Variants in ABCB7 observed in about 807,000 individuals in gnomAD.
ABCB7 encodes ATP binding cassette subfamily B member 7, also known as iron-sulfur clusters transporter ABCB7, mitochondrial.
In ABCB7, 7 loss-of-function variants were observed where a neutral mutation model predicts 54.4. That is an observed-to-expected ratio of 0.13 (90% CI 0.07 to 0.24). The LOEUF is 0.24. ABCB7 is among the 10% of genes least tolerant of loss of function. The probability of loss-of-function intolerance (pLI) is 1.00; values close to 1 mark genes in which losing one functional copy is unlikely to be tolerated. For missense variants in ABCB7, 356 were observed against 570.4 expected (o/e 0.62, Z 3.83); for synonymous variants, 218 against 207.1 (o/e 1.05, Z -0.45).
chrX:75,079,078 T>C (rs759665903), intron 4 of ABCB7, among the ~76,000 whole-genome samples: 3 of 111,726 alleles, frequency 2.7e-5, no homozygotes, highest in Non-Finnish European at 5.6e-5. Flanking sequence ...ACCAATAAAG[T>C]TGTGCAATTT....
chrX:75,059,309 C>T (rs2081264135), intron 15 of ABCB7, among the ~76,000 whole-genome samples: 2 of 109,604 alleles, frequency 1.8e-5, no homozygotes, highest in Admixed American at 9.7e-5. Flanking sequence ...GAAACCCTAT[C>T]TCTACAAAAA....
At chrX:75,073,226 T>C (rs1457143634) in intron 8 of ABCB7, among the ~76,000 whole-genome samples, 1 of 112,111 alleles carries the variant, frequency 8.9e-6, no homozygotes, top group Non-Finnish European at 1.9e-5. Flanking sequence ...AAAATACATA[T>C]ACTAGTTAAC....
intron 4 of ABCB7, among the ~76,000 whole-genome samples, chrX:75,092,435 G>C (rs2081551339): frequency 9.0e-6 from 1 of 111,211 alleles, no homozygotes; most frequent in African/African-American, 3.3e-5. Context: ...ACTCTAAATA[G>C]ATCATAGACC....
At chrX:75,119,154 T>C (rs1174777030) in intron 1 of ABCB7, among the ~76,000 whole-genome samples, 1 of 112,482 alleles carries the variant, frequency 8.9e-6, no homozygotes, top group Admixed American at 9.4e-5. Flanking sequence ...TCACATGACT[T>C]AAGTAATCTT....
chrX:75,069,463 G>A lies in ABCB7; in HGVS notation c.1366-9C>T. The A allele has an allele frequency of 8.4e-7, 1 of 1,197,577 alleles. No homozygotes were observed. Among genetic ancestry groups the A allele is most frequent in the Non-Finnish European group, 1.1e-6 (1 of 887,406 alleles). ...GATGCCATCACTTTGTCCTAGCAGG[G>A]AAGAGAAAAAAAAAGCCACTTTACG... is the stretch of plus-strand genomic sequence containing the variant. On this transcript the variant is annotated splice_polypyrimidine_tract_variant and intron_variant, in intron 10 of 15. Coordinates refer to ENST00000373394, the MANE Select transcript of ABCB7 (RefSeq NM_001271696.3).
At chrX:75,072,086 T>A (rs2081367741) in intron 8 of ABCB7, among the ~76,000 whole-genome samples, 1 of 111,436 alleles carries the variant, frequency 9.0e-6, no homozygotes, top group Non-Finnish European at 1.9e-5. Flanking sequence ...ATAGCAGGGA[T>A]CAGAAAGTAA....
At chrX:75,057,839 T>C (rs1295976567) in intron 15 of ABCB7, among the ~76,000 whole-genome samples, 1 of 109,095 alleles carries the variant, frequency 9.2e-6, no homozygotes, top group African/African-American at 3.3e-5. Flanking sequence ...AGTTAAGGAG[T>C]AGTGATGGTA....
chrX:75,139,801 T>C (rs1260526657), intron 1 of ABCB7, among the ~76,000 whole-genome samples: 1 of 111,989 alleles, frequency 8.9e-6, no homozygotes, highest in Non-Finnish European at 1.9e-5. Flanking sequence ...TTTCTACATA[T>C]AAGCTTTTAA....
intron 4 of ABCB7, among the ~76,000 whole-genome samples, chrX:75,095,975 T>G (rs2081587366): frequency 8.9e-6 from 1 of 112,099 alleles, no homozygotes; most frequent in African/African-American, 3.2e-5. Context: ...CAAATGCCAT[T>G]ACTTAAGACT....
At position 75,052,422 on chromosome X, in the gene ABCB7, G is replaced by A. The variant is rs1298327306; in HGVS notation, c.*948C>T. The A allele has an allele frequency of 9.7e-6, 1 of 103,415 alleles. No homozygotes were observed. Among genetic ancestry groups the A allele is most frequent in the East Asian group, 3.1e-4 (1 of 3,215 alleles). The allele number at this position is 103,415 out of a possible 1,213,427, so 8.5% of individuals were successfully genotyped here. On this transcript the variant is annotated 3_prime_UTR_variant, in exon 16 of 16. Transcript: ENST00000373394. ...GCGGAGCTTGCAGTGAGCCGAGATC[G>A]CGCCACTGCACTCCAGCCTGGGAGA...
At chrX:75,058,629 G>T (rs2081259983) in intron 15 of ABCB7, among the ~76,000 whole-genome samples, 1 of 111,647 alleles carries the variant, frequency 9.0e-6, no homozygotes, top group Non-Finnish European at 1.9e-5. Context: ...ATAATAAAGA[G>T]ATTCTTGTTT....
chrX:75,098,651 G>A (rs1465441802), intron 4 of ABCB7, among the ~76,000 whole-genome samples: 2 of 111,475 alleles, frequency 1.8e-5, no homozygotes, highest in African/African-American at 3.3e-5. Flanking sequence ...AAGAGGCTCC[G>A]AAAAGCTTCT....
intron 1 of ABCB7, among the ~76,000 whole-genome samples, chrX:75,134,164 A>G (rs2081993684): frequency 1.8e-5 from 2 of 111,884 alleles, no homozygotes; most frequent in South Asian, 7.4e-4. Context: ...AAACGAAAAG[A>G]GCAGGGCTTG....
intron 1 of ABCB7, among the ~76,000 whole-genome samples, chrX:75,133,172 C>T (rs1334684485): frequency 8.9e-6 from 1 of 112,059 alleles, no homozygotes; most frequent in Non-Finnish European, 1.9e-5. Flanking sequence ...AAATTCTCTA[C>T]AAGATTTCGA....
In ABCB7 at chrX:75,099,044, A is replaced by G. The variant is rs191386781; in HGVS notation, c.351T>C (p.Thr117=). The change falls in exon 4 of 16, where the codon ACT becomes ACC. Residue 117 remains threonine (T), a synonymous_variant. Transcript: ENST00000373394. ...AAAGCATTGCTTTTATGATTTTCCG[A>G]GTATCAACATCTTTTAACTATTGAA... is the stretch of plus-strand genomic sequence containing the variant. ...DPKEGLKDVD[T]RKIIKAMLSY... is the part of the protein sequence containing the mutation. 1 of 1,208,509 alleles carries G rather than the reference A, an allele frequency of 8.3e-7. No homozygotes were observed. The highest frequency in any genetic ancestry group is 1.7e-5 in the African/African-American group (1 of 57,339).
chrX:75,094,050 A>ATATATATATATC (rs1314153062), intron 4 of ABCB7, among the ~76,000 whole-genome samples: 2 of 20,478 alleles, frequency 9.8e-5, no homozygotes, highest in African/African-American at 1.4e-4. Context: ...ATATATATAT[A>ATATATATATATC]TATCTATCTT....
intron 1 of ABCB7, 136 bp downstream of exon 1, chrX:75,155,969 C>G: frequency 1.4e-6 from 1 of 722,572 alleles, no homozygotes; most frequent in Non-Finnish European, 2.1e-6. Flanking sequence ...ACGTTAATTT[C>G]CTTCACTTAC....
intron 3 of ABCB7, among the ~76,000 whole-genome samples, chrX:75,103,338 A>G (rs1194435148): frequency 9.0e-6 from 1 of 110,499 alleles, no homozygotes; most frequent in Non-Finnish European, 1.9e-5. Context: ...CTATATACGG[A>G]CTCCAATTTT....
At chrX:75,116,169 G>A (rs191387003) in intron 1 of ABCB7, among the ~76,000 whole-genome samples, 16 of 111,029 alleles carry the variant, frequency 1.4e-4, no homozygotes, top group African/African-American at 4.9e-4. Flanking sequence ...TGAAGCTTGC[G>A]ACCTGAAAGC....
Sources: allele counts gnomAD v4.1 joint callset (sites outside exome capture counted in the v4.1 genomes callset), GRCh38; gene constraint gnomAD v4.1.1; transcripts MANE v1.5; gene names NCBI Gene and HGNC (gene_info 2026-07-23, HGNC 2026-07-21).